The following DCLK3 variants were observed in gnomAD, a reference collection of about 807,000 sequenced individuals.
The protein encoded by DCLK3 is doublecortin like kinase 3, also known as serine/threonine-protein kinase DCLK3.
DCLK3 carries 30 observed loss-of-function variants against 46.4 expected under a neutral mutation model. The ratio of observed to expected loss-of-function variants is 0.65; its 90% CI spans 0.48 to 0.88. DCLK3 has a LOEUF of 0.88. Ranked by LOEUF, DCLK3 falls within the 40% of genes least tolerant of loss-of-function variation. The pLI, the probability that DCLK3 is intolerant of heterozygous loss-of-function variation, is 0.00. For synonymous variants in DCLK3, 401 were observed against 339.2 expected (o/e 1.18, Z -2.00); for missense variants, 846 against 907.1 (o/e 0.93, Z 0.87).
chr3:36,753,083 A>G (rs975738885), intron 1 of DCLK3, among the ~76,000 whole-genome samples: 6 of 152,226 alleles, frequency 3.9e-5, no homozygotes, highest in Admixed American at 3.9e-4. Flanking sequence ...AAAGGATATG[A>G]CTATTACTGG....
chr3:36,754,579 G>C (rs1218238934), intron 1 of DCLK3, among the ~76,000 whole-genome samples: 1 of 152,186 alleles, frequency 6.6e-6, no homozygotes, highest in East Asian at 1.9e-4. Context: ...GGTGCTAGTA[G>C]TGTCTAGGAC....
At chr3:36,718,792 T>C in intron 3 of DCLK3, among the ~76,000 whole-genome samples, 1 of 152,214 alleles carries the variant, frequency 6.6e-6, no homozygotes, top group East Asian at 1.9e-4. Context: ...TGATGTTTAC[T>C]AGCTGTATCC....
rs1478850501 is a variant in DCLK3, at chr3:36,738,755, A to G, written c.412T>C (p.Trp138Arg). Residue 138 changes from tryptophan to arginine, a missense_variant, in exon 2 of 5, where the codon TGG becomes CGG. Physicochemically the swap from Trp to Arg is moderately radical, Grantham distance 101. Coordinates refer to ENST00000636136, the MANE Select transcript of DCLK3 (RefSeq NM_001394672.2). ...AGTTTCCTCACACGGTCATTCTTCC[A>G]TCTGGGAGAGCCCAAGGCTTCTGAG... is the stretch of plus-strand genomic sequence containing the variant. ...DISEALGSPRWKNDRVRKLFN... is the reference protein window; with the variant it reads ...DISEALGSPRRKNDRVRKLFN... 9 of 1,294,222 alleles carry G rather than the reference A, an allele frequency of 7.0e-6. No individual in the cohort carries two copies. Among genetic ancestry groups the G allele is most frequent in the Non-Finnish European group, 8.9e-6 (9 of 1,014,068 alleles). 80.2% of individuals were successfully genotyped at this position (1,294,222 alleles called of 1,614,324 possible).
At chr3:36,748,185 T>C (rs12489072) in intron 1 of DCLK3, among the ~76,000 whole-genome samples, 52,438 of 150,592 alleles carry the variant, frequency 0.35, 9,892 homozygotes, top group Non-Finnish European at 0.44. Context: ...GACAAGGGTG[T>C]GGGTGAATGG....
intron 1 of DCLK3, among the ~76,000 whole-genome samples, chr3:36,746,638 C>T (rs1478470995): frequency 6.6e-6 from 1 of 152,126 alleles, no homozygotes; most frequent in Non-Finnish European, 1.5e-5. Context: ...TCCAGAGATC[C>T]CAGGACATTG....
chr3:36,754,154 G>A (rs1701467241), intron 1 of DCLK3, among the ~76,000 whole-genome samples: 1 of 152,136 alleles, frequency 6.6e-6, no homozygotes. Context: ...TAAAGAAAAA[G>A]CACTAAAAGT....
At chr3:36,760,769 A>C (rs1031368297) in intron 1 of DCLK3, among the ~76,000 whole-genome samples, 5 of 152,226 alleles carry the variant, frequency 3.3e-5, no homozygotes, top group Non-Finnish European at 5.9e-5. Flanking sequence ...AATATTCAAA[A>C]AGTACTGGCC....
At chr3:36,741,638 A>G (rs1701345717) in intron 1 of DCLK3, among the ~76,000 whole-genome samples, 1 of 152,254 alleles carries the variant, frequency 6.6e-6, no homozygotes, top group South Asian at 2.1e-4. Context: ...AGTACATAGC[A>G]AAGGAACCAT....
chr3:36,745,937 T>C (rs1701390128), intron 1 of DCLK3, among the ~76,000 whole-genome samples: 1 of 152,334 alleles, frequency 6.6e-6, no homozygotes, highest in South Asian at 2.1e-4. Context: ...CTCAGAAGCC[T>C]GGCCAATGTC....
In DCLK3 at chr3:36,714,492, T is replaced by G. The variant is rs958118750; in HGVS notation, c.*836A>C. The G allele has an allele frequency of 2.0e-5, 3 of 152,226 alleles. No homozygotes were observed. Among genetic ancestry groups the G allele is most frequent in the Admixed American group, 2.0e-4 (3 of 15,286 alleles). 9.4% of individuals were successfully genotyped at this position (152,226 alleles called of 1,614,324 possible). ...GTAGGAATGTGCTTGAACTCTGAGCTCCTTCGAGCCCCAGTGTAATCCATT... is the reference window on the plus strand; with the variant it reads ...GTAGGAATGTGCTTGAACTCTGAGCGCCTTCGAGCCCCAGTGTAATCCATT... On this transcript the variant is annotated 3_prime_UTR_variant, in exon 5 of 5. Transcript: ENST00000636136.
At chr3:36,724,387 A>G (rs1559387412) in intron 2 of DCLK3, among the ~76,000 whole-genome samples, 2 of 152,202 alleles carry the variant, frequency 1.3e-5, no homozygotes, top group Non-Finnish European at 2.9e-5. Flanking sequence ...ACTATTGAGA[A>G]GACATGATTG....
intron 2 of DCLK3, among the ~76,000 whole-genome samples, chr3:36,730,906 G>A (rs554742999): frequency 5.3e-5 from 8 of 151,978 alleles, no homozygotes; most frequent in African/African-American, 9.7e-5. Flanking sequence ...TGTGAAGGCC[G>A]AGGGGCATGC....
chr3:36,748,694 G>A lies in DCLK3; in HGVS notation c.83-9610C>T, dbSNP rs183731348. On this transcript the variant is annotated intron_variant, in intron 1 of 4. Transcript: ENST00000636136. ...TTGCTCCCAGGGTCCGTGAGGCCTCGGACCTGCCAGCGACCATAACACTAA... is the reference window on the plus strand; with the variant it reads ...TTGCTCCCAGGGTCCGTGAGGCCTCAGACCTGCCAGCGACCATAACACTAA... 1.4e-4 allele frequency among the ~76,000 whole-genome samples: 22 copies of A among 152,100 alleles called. No homozygotes were observed. In the East Asian group the frequency reaches 3.9e-3, roughly 27 times the overall value.
intron 1 of DCLK3, among the ~76,000 whole-genome samples, chr3:36,751,061 TCTAAAAA>T (rs1431161574): frequency 1.4e-4 from 4 of 28,230 alleles, no homozygotes; most frequent in Admixed American, 1.2e-3. Context: ...GACGGGATGA[TCTAAAAA>T]AAAAAAAAAA....
chr3:36,755,330 A>G (rs1001718149), intron 1 of DCLK3, among the ~76,000 whole-genome samples: 1 of 152,338 alleles, frequency 6.6e-6, no homozygotes, highest in East Asian at 1.9e-4. Context: ...CAGAGCTACA[A>G]TTACAATGTC....
At position 36,764,028 on chromosome 3, in the gene DCLK3, A is replaced by G. The variant is rs1342390622; in HGVS notation, c.82+154T>C. ...CACACACATACACACGTACACACAC[A>G]TACACACACACAGTCCTCCGTACAC... is the stretch of plus-strand genomic sequence containing the variant. On this transcript the variant is annotated intron_variant, in intron 1 of 4. Coordinates refer to ENST00000636136, the MANE Select transcript of DCLK3 (RefSeq NM_001394672.2). The surrounding 1 kb of genome is among the most constrained non-coding windows in gnomAD (Gnocchi z 4.9). Among the ~76,000 whole-genome samples, 1 of 152,150 alleles carries G rather than the reference A, an allele frequency of 6.6e-6. No individual in the cohort carries two copies. Among genetic ancestry groups the G allele is most frequent in the Non-Finnish European group, 1.5e-5 (1 of 68,002 alleles).
intron 1 of DCLK3, among the ~76,000 whole-genome samples, chr3:36,746,953 C>A (rs776162092): frequency 1.4e-4 from 22 of 152,202 alleles, no homozygotes; most frequent in Admixed American, 2.6e-4. Flanking sequence ...GCCCTGGATG[C>A]ACTCTGAGCA....
At chr3:36,734,019 T>C (rs1701229955) in intron 2 of DCLK3, among the ~76,000 whole-genome samples, 1 of 152,146 alleles carries the variant, frequency 6.6e-6, no homozygotes, top group African/African-American at 2.4e-5. Context: ...AGCCATCCAT[T>C]AAAGGAAGAA....
At chr3:36,736,337 C>A (rs554531263) in intron 2 of DCLK3, among the ~76,000 whole-genome samples, 1 of 152,268 alleles carries the variant, frequency 6.6e-6, no homozygotes, top group South Asian at 2.1e-4. Flanking sequence ...CAGTCACTCA[C>A]AGCAGCCACA....
Sources: allele counts gnomAD v4.1 joint callset (sites outside exome capture counted in the v4.1 genomes callset), GRCh38; gene constraint gnomAD v4.1.1; non-coding constraint Gnocchi (gnomAD v3.1); transcripts MANE v1.5; gene names NCBI Gene and HGNC (gene_info 2026-07-23, HGNC 2026-07-21).